The following ROBO1 variants were observed in gnomAD, a reference collection of about 807,000 sequenced individuals.
The protein encoded by ROBO1 is roundabout guidance receptor 1, also known as roundabout homolog 1.
A neutral mutation model predicts 195.9 loss-of-function variants in ROBO1; 149 were observed. That is an observed-to-expected ratio of 0.76 (90% CI 0.67 to 0.87). ROBO1 has a LOEUF of 0.87. Among genes scored for constraint, ROBO1 ranks in the 40% least tolerant of loss-of-function variants. The pLI is 0.00. For synonymous variants in ROBO1, 816 were observed against 733.2 expected (o/e 1.11, Z -1.82); for missense variants, 1,933 against 2,068.3 (o/e 0.93, Z 1.27).
At chr3:79,539,899 A>T (rs1942001938) in intron 2 of ROBO1, among the ~76,000 whole-genome samples, 2 of 150,924 alleles carry the variant, frequency 1.3e-5, no homozygotes, top group African/African-American at 4.9e-5. Flanking sequence ...TATTGCCCAG[A>T]GGAATTCTGC....
intron 2 of ROBO1, among the ~76,000 whole-genome samples, chr3:79,582,038 C>G (rs1053085380): frequency 6.6e-6 from 1 of 151,766 alleles, no homozygotes; most frequent in African/African-American, 2.4e-5. Context: ...ACATATATAT[C>G]TATTTGTGTA....
intron 2 of ROBO1, among the ~76,000 whole-genome samples, chr3:79,161,084 T>G (rs1488159437): frequency 2.0e-5 from 3 of 151,984 alleles, no homozygotes; most frequent in Non-Finnish European, 2.9e-5. Flanking sequence ...GAAAATGGCA[T>G]GAAACTATAA....
chr3:79,490,142 C>T (rs1003223271), intron 2 of ROBO1, among the ~76,000 whole-genome samples: 6 of 152,020 alleles, frequency 3.9e-5, no homozygotes, highest in South Asian at 4.1e-4. Context: ...CTATAATTTC[C>T]GTGGTTATAT....
At chr3:78,757,435 A>T (rs1026686885) in intron 4 of ROBO1, among the ~76,000 whole-genome samples, 5 of 82,164 alleles carry the variant, frequency 6.1e-5, no homozygotes, top group African/African-American at 2.2e-4. Flanking sequence ...GCGCACATGC[A>T]CACACACACA....
At chr3:79,505,873 T>G (rs1940364590) in intron 2 of ROBO1, among the ~76,000 whole-genome samples, 1 of 152,134 alleles carries the variant, frequency 6.6e-6, no homozygotes, top group African/African-American at 2.4e-5. Flanking sequence ...AGGTATGCTT[T>G]GAATGATGGG....
At chr3:79,388,131 A>G (rs1404842190) in intron 2 of ROBO1, among the ~76,000 whole-genome samples, 1 of 152,100 alleles carries the variant, frequency 6.6e-6, no homozygotes, top group Non-Finnish European at 1.5e-5. Flanking sequence ...AAGATCTTCA[A>G]TCTCTTTTCA....
In ROBO1 at chr3:78,668,483, C is replaced by A. The variant is rs1396165549; in HGVS notation, c.1630+1G>T. On this transcript the variant is annotated splice_donor_variant, in intron 12 of 30. Coordinates refer to ENST00000464233, the MANE Select transcript of ROBO1 (RefSeq NM_002941.4). LOFTEE classifies it high-confidence loss of function. ...TAAGGGAAACACACCATTTACTTTA[C>A]CTTGAACTTCAATGTAAGCACTCCA... 1.2e-6 allele frequency: 2 copies of A among 1,613,662 alleles called. No homozygotes were observed. The highest frequency in any genetic ancestry group is 2.2e-5 in the East Asian group (1 of 44,888).
intron 1 of ROBO1, among the ~76,000 whole-genome samples, chr3:79,756,890 A>G (rs959813799): frequency 6.6e-6 from 1 of 152,160 alleles, no homozygotes; most frequent in African/African-American, 2.4e-5. Context: ...GGTACCTCAT[A>G]TAAGTGGAAC....
chr3:78,984,093 T>C (rs1443012346), intron 3 of ROBO1, among the ~76,000 whole-genome samples: 1 of 152,180 alleles, frequency 6.6e-6, no homozygotes, highest in African/African-American at 2.4e-5. Flanking sequence ...ACTTACATTA[T>C]CAAGGCTTTG....
At chr3:79,194,450 T>C (rs1463924437) in intron 2 of ROBO1, among the ~76,000 whole-genome samples, 1 of 151,656 alleles carries the variant, frequency 6.6e-6, no homozygotes, top group Non-Finnish European at 1.5e-5. Flanking sequence ...CGTCACTTTT[T>C]AATGCTATTA....
chr3:79,256,647 G>A (rs1380221649), intron 2 of ROBO1, among the ~76,000 whole-genome samples: 3 of 152,048 alleles, frequency 2.0e-5, no homozygotes, highest in African/African-American at 7.2e-5. Flanking sequence ...GATATTTGAT[G>A]AACTCATAAG....
At position 78,597,437 on chromosome 3, in the gene ROBO1, G is replaced by A. The variant is rs937842565; in HGVS notation, c.*1476C>T. ...TCAAATTATCTAAATGAACAAGTTT[G>A]GTTTTGGTGAACACCAGCCTTTTTT... On this transcript the variant is annotated 3_prime_UTR_variant, in exon 31 of 31. Transcript: ENST00000464233. 6.6e-6 allele frequency: 1 copy of A among 152,450 alleles called. No homozygotes were observed. The highest frequency in any genetic ancestry group is 1.5e-5 in the Non-Finnish European group (1 of 67,966). The allele number at this position is 152,450 out of a possible 1,614,324, so 9.4% of individuals were successfully genotyped here. A position where few individuals can be genotyped will look rare whatever the true frequency, so the allele number is the denominator to read the frequency against.
At chr3:79,465,758 T>C (rs1055708103) in intron 2 of ROBO1, among the ~76,000 whole-genome samples, 1 of 152,138 alleles carries the variant, frequency 6.6e-6, no homozygotes, top group Non-Finnish European at 1.5e-5. Flanking sequence ...AAAATGTTTT[T>C]TCATGTACGT....
chr3:78,986,902 T>C (rs1177128667), intron 3 of ROBO1, among the ~76,000 whole-genome samples: 1 of 152,178 alleles, frequency 6.6e-6, no homozygotes, highest in African/African-American at 2.4e-5. Context: ...TATTGTTCAG[T>C]AGGGCTGAGA....
intron 2 of ROBO1, among the ~76,000 whole-genome samples, chr3:79,242,302 C>T (rs2082534247): frequency 6.6e-6 from 1 of 151,774 alleles, no homozygotes; most frequent in Admixed American, 6.6e-5. Context: ...TTATTTAACA[C>T]ACTACTGTAT....
intron 4 of ROBO1, among the ~76,000 whole-genome samples, chr3:78,768,430 A>T (rs998768871): frequency 1.3e-5 from 2 of 152,112 alleles, no homozygotes; most frequent in Admixed American, 6.6e-5. Flanking sequence ...TGCTCATTAT[A>T]GATGGGTTGT....
chr3:79,464,487 G>A (rs2107281492), intron 2 of ROBO1, among the ~76,000 whole-genome samples: 1 of 152,216 alleles, frequency 6.6e-6, no homozygotes, highest in South Asian at 2.1e-4. Flanking sequence ...TATCTCGTTT[G>A]GGTTTGGAAT....
At chr3:79,573,945 CATGTATATATTA>C (rs755942463) in intron 2 of ROBO1, among the ~76,000 whole-genome samples, 31 of 152,146 alleles carry the variant, frequency 2.0e-4, no homozygotes, top group Middle Eastern at 6.8e-3. Context: ...CCATGGTGAA[CATGTATATATTA>C]CCTACGATCA....
intron 3 of ROBO1, among the ~76,000 whole-genome samples, chr3:79,091,983 T>C (rs2079487221): frequency 6.6e-6 from 1 of 152,164 alleles, no homozygotes; most frequent in African/African-American, 2.4e-5. Flanking sequence ...TAATCTGATT[T>C]AAGATGAAAG....
Sources: gnomAD v4.1 joint callset for allele counts (sites outside exome capture counted in the v4.1 genomes callset) on GRCh38, gnomAD v4.1.1 for gene constraint, MANE v1.5 for transcripts, NCBI Gene and HGNC (gene_info 2026-07-23, HGNC 2026-07-21) for gene names.